The following ANKRD17 variants were observed in gnomAD, a reference collection of about 807,000 sequenced individuals.
ANKRD17 encodes ankyrin repeat domain-containing protein 17.
ANKRD17 carries 19 observed loss-of-function variants against 229.7 expected under a neutral mutation model. The observed-to-expected ratio is 0.08, with a 90% CI of 0.06 to 0.12. The LOEUF is 0.12. Ranked by LOEUF, ANKRD17 falls within the 10% of genes least tolerant of loss-of-function variation. The pLI, the probability that ANKRD17 is intolerant of heterozygous loss-of-function variation, is 1.00. For missense variants in ANKRD17, 2,176 were observed against 3,176.8 expected, an observed-to-expected ratio of 0.68 and a Z score of 7.57; for synonymous variants, 1,112 against 1,146.1, an observed-to-expected ratio of 0.97 and a Z score of 0.60.
intron 1 of ANKRD17, among the ~76,000 whole-genome samples, chr4:73,219,527 A>G (rs1384316695): frequency 6.6e-6 from 1 of 152,202 alleles, no homozygotes; most frequent in African/African-American, 2.4e-5. Context: ...ATTTTATTTA[A>G]AAAACAAAAA....
chr4:73,137,074 G>A (rs983109039), intron 15 of ANKRD17, among the ~76,000 whole-genome samples: 5 of 148,984 alleles, frequency 3.4e-5, no homozygotes, highest in African/African-American at 9.9e-5. Context: ...CATTTCCTTC[G>A]GGGTACCTAT....
chr4:73,133,123 G>A (rs7662207), intron 16 of ANKRD17, among the ~76,000 whole-genome samples: 2 of 151,824 alleles, frequency 1.3e-5, no homozygotes, highest in South Asian at 2.1e-4. Context: ...GATGGTGGGC[G>A]CCTGTAATCC....
intron 24 of ANKRD17, among the ~76,000 whole-genome samples, chr4:73,103,683 G>C (rs1293739276): frequency 6.6e-6 from 1 of 152,096 alleles, no homozygotes; most frequent in Non-Finnish European, 1.5e-5. Flanking sequence ...TTAAGGCATG[G>C]AGCCTACAAC....
At chr4:73,233,580 G>C (rs1292166291) in intron 1 of ANKRD17, among the ~76,000 whole-genome samples, 1 of 152,078 alleles carries the variant, frequency 6.6e-6, no homozygotes, top group Non-Finnish European at 1.5e-5. Flanking sequence ...GAAGGCCCAA[G>C]ATTGCCACAG....
chr4:73,107,865 T>C (rs1025479637), intron 24 of ANKRD17, among the ~76,000 whole-genome samples: 4 of 152,286 alleles, frequency 2.6e-5, no homozygotes, highest in African/African-American at 7.2e-5. Context: ...TGATATGATT[T>C]GATTTAGATA....
intron 1 of ANKRD17, among the ~76,000 whole-genome samples, chr4:73,250,146 G>A (rs1425089637): frequency 1.3e-5 from 2 of 152,128 alleles, no homozygotes; most frequent in Non-Finnish European, 2.9e-5. Flanking sequence ...AAAAAAGCAT[G>A]CTGTATTTCA....
intron 1 of ANKRD17, among the ~76,000 whole-genome samples, chr4:73,255,794 G>A (rs1335599278): frequency 6.6e-6 from 1 of 151,872 alleles, no homozygotes. Flanking sequence ...TGCAATCTCA[G>A]CTCACTGCAA....
chr4:73,200,670 G>A lies in ANKRD17; in HGVS notation c.394-23137C>T, dbSNP rs542770119. 6.6e-5 allele frequency among the ~76,000 whole-genome samples: 10 copies of A among 152,152 alleles called. No homozygotes were observed. In the South Asian group the frequency reaches 2.1e-3, roughly 32 times the overall value. On this transcript the variant is annotated intron_variant, in intron 1 of 33. Coordinates refer to ENST00000358602, the MANE Select transcript of ANKRD17 (RefSeq NM_032217.5). ...TGAAAGGCATTTAGTCATTCTAAAT[G>A]CCATTAGTTTTTGTTGATATTCAAA...
intron 1 of ANKRD17, among the ~76,000 whole-genome samples, chr4:73,190,844 G>GC (rs1172870745): frequency 6.6e-6 from 1 of 151,750 alleles, no homozygotes; most frequent in East Asian, 1.9e-4. Context: ...AACAAGAAAA[G>GC]TGTAAGACCT....
chr4:73,257,706 T>C (rs569370941), intron 1 of ANKRD17, among the ~76,000 whole-genome samples: 11 of 152,232 alleles, frequency 7.2e-5, no homozygotes, highest in African/African-American at 2.6e-4. Context: ...CCAGGATAGT[T>C]ACGAAAAACC....
intron 25 of ANKRD17, among the ~76,000 whole-genome samples, chr4:73,101,444 C>T (rs1184147103): frequency 6.6e-6 from 1 of 151,938 alleles, no homozygotes; most frequent in Non-Finnish European, 1.5e-5. Context: ...CAGGGGGGAT[C>T]ACTTGAGATC....
At chr4:73,216,865 T>C (rs1578427126) in intron 1 of ANKRD17, among the ~76,000 whole-genome samples, 1 of 152,226 alleles carries the variant, frequency 6.6e-6, no homozygotes, top group African/African-American at 2.4e-5. Flanking sequence ...CACATGAAAG[T>C]TATCACCTCA....
chr4:73,102,715 A>G (rs982497168), intron 24 of ANKRD17, 168 bp from the exon 25 acceptor site: 42 of 647,332 alleles, frequency 6.5e-5, no homozygotes, highest in Non-Finnish European at 9.9e-5. Flanking sequence ...TAAAGAGACA[A>G]TATTTTTACA....
intron 22 of ANKRD17, 45 bp downstream of exon 22, chr4:73,118,643 G>A: frequency 1.9e-6 from 3 of 1,606,642 alleles, no homozygotes; most frequent in South Asian, 1.1e-5. Context: ...ACTTCCTAGT[G>A]TAAGTAAAAA....
intron 16 of ANKRD17, among the ~76,000 whole-genome samples, chr4:73,125,802 C>A (rs925823290): frequency 2.7e-5 from 4 of 150,844 alleles, no homozygotes; most frequent in Non-Finnish European, 5.9e-5. Flanking sequence ...AGCCAACTTG[C>A]GAGTTTTTTA....
intron 1 of ANKRD17, among the ~76,000 whole-genome samples, chr4:73,208,188 C>CAAAAAA (rs36126530): frequency 7.4e-5 from 5 of 67,944 alleles, no homozygotes; most frequent in Admixed American, 2.0e-4. Flanking sequence ...GACTCCGTCT[C>CAAAAAA]AAAAAAAAAA....
At chr4:73,195,472 T>G (rs1194968296) in intron 1 of ANKRD17, among the ~76,000 whole-genome samples, 5 of 152,150 alleles carry the variant, frequency 3.3e-5, no homozygotes. Flanking sequence ...ATGTAATATG[T>G]GCACGAAGTC....
At chr4:73,169,671 G>A (rs1733710387) in intron 2 of ANKRD17, among the ~76,000 whole-genome samples, 1 of 152,142 alleles carries the variant, frequency 6.6e-6, no homozygotes, top group Non-Finnish European at 1.5e-5. Flanking sequence ...AGGCATTAAA[G>A]AGGGTAGAAA....
chr4:73,088,138 C>T (rs1329579395), intron 29 of ANKRD17, among the ~76,000 whole-genome samples: 1 of 151,950 alleles, frequency 6.6e-6, no homozygotes, highest in African/African-American at 2.4e-5. Context: ...AAAATACAAA[C>T]TATAAAAACA....
Sources: gnomAD v4.1 joint callset for allele counts (sites outside exome capture counted in the v4.1 genomes callset) on GRCh38, gnomAD v4.1.1 for gene constraint, MANE v1.5 for transcripts, NCBI Gene and HGNC (gene_info 2026-07-23, HGNC 2026-07-21) for gene names.